DLGAP1: variants seen among roughly 807,000 people sequenced by gnomAD.
DLGAP1 encodes DLG associated protein 1.
DLGAP1 carries 11 observed loss-of-function variants against 90.8 expected under a neutral mutation model. The ratio of observed to expected loss-of-function variants is 0.12; its 90% CI spans 0.08 to 0.20. DLGAP1 has a LOEUF of 0.20. Among genes scored for constraint, DLGAP1 ranks in the 10% least tolerant of loss-of-function variants. DLGAP1 has a pLI of 1.00. For synonymous variants in DLGAP1, 558 were observed against 540.7 expected, an observed-to-expected ratio of 1.03 and a Z score of -0.44; for missense variants, 1,050 against 1,333.8, an observed-to-expected ratio of 0.79 and a Z score of 3.31.
chr18:4,420,672 G>T (rs911191437), intron 1 of DLGAP1, among the ~76,000 whole-genome samples: 5 of 152,092 alleles, frequency 3.3e-5, no homozygotes, highest in Non-Finnish European at 5.9e-5. Flanking sequence ...TCATAATTTT[G>T]CCTAATATCA....
intron 4 of DLGAP1, among the ~76,000 whole-genome samples, chr18:3,816,480 G>T (rs535903198): frequency 6.6e-5 from 10 of 152,138 alleles, no homozygotes; most frequent in Non-Finnish European, 1.5e-4. Flanking sequence ...ACTTCAGATT[G>T]AAGAGATGCT....
At chr18:4,344,213 A>C (rs2081260987) in intron 1 of DLGAP1, among the ~76,000 whole-genome samples, 1 of 152,190 alleles carries the variant, frequency 6.6e-6, no homozygotes, top group Admixed American at 6.5e-5. Context: ...TGTATTGGGT[A>C]CTTTTTGTCA....
At chr18:4,225,095 C>A (rs766794395) in intron 1 of DLGAP1, among the ~76,000 whole-genome samples, 3 of 152,036 alleles carry the variant, frequency 2.0e-5, no homozygotes, top group Non-Finnish European at 2.9e-5. Context: ...CCAGAAAATT[C>A]TTTTGTATCT....
At chr18:4,412,220 G>A (rs956544596) in intron 1 of DLGAP1, among the ~76,000 whole-genome samples, 1 of 152,018 alleles carries the variant, frequency 6.6e-6, no homozygotes, top group Non-Finnish European at 1.5e-5. Context: ...GTGAAGAGGG[G>A]GACTGTGAGA....
At chr18:4,238,612 G>A (rs1521428) in intron 1 of DLGAP1, among the ~76,000 whole-genome samples, 72,580 of 151,934 alleles carry the variant, frequency 0.48, 17,870 homozygotes, top group East Asian at 0.68. Flanking sequence ...GTAACTACTT[G>A]CTGAGAAGTT....
chr18:4,185,494 T>C (rs7232264), intron 1 of DLGAP1, among the ~76,000 whole-genome samples: 54,392 of 151,964 alleles, frequency 0.36, 10,179 homozygotes, highest in East Asian at 0.71. Context: ...CTCCCACTTA[T>C]AAGTGAGAAC....
intron 1 of DLGAP1, among the ~76,000 whole-genome samples, chr18:4,387,640 A>T (rs1220674910): frequency 6.6e-6 from 1 of 152,200 alleles, no homozygotes; most frequent in African/African-American, 2.4e-5. Context: ...AGAAGGGAAG[A>T]ATGAAGAAGA....
At chr18:4,258,255 G>GAACAATAGGAACCAAGCAGAGA (rs2078936449) in intron 1 of DLGAP1, among the ~76,000 whole-genome samples, 2 of 152,006 alleles carry the variant, frequency 1.3e-5, no homozygotes, top group African/African-American at 4.8e-5. Context: ...TGTTGCTCAG[G>GAACAATAGGAACCAAGCAGAGA]CTGGTCTCGA....
At chr18:4,196,733 T>A (rs899391331) in intron 1 of DLGAP1, among the ~76,000 whole-genome samples, 14 of 152,268 alleles carry the variant, frequency 9.2e-5, no homozygotes, top group African/African-American at 3.4e-4. Context: ...CTGGCTTTGT[T>A]ATGTGTATAC....
chr18:3,864,500 C>T (rs1470607044), intron 4 of DLGAP1, among the ~76,000 whole-genome samples: 2 of 152,118 alleles, frequency 1.3e-5, no homozygotes, highest in African/African-American at 2.4e-5. Flanking sequence ...TTAACTTCAT[C>T]TGGGCTTAAA....
At chr18:3,543,162 T>C (rs1227497682) in intron 9 of DLGAP1, among the ~76,000 whole-genome samples, 1 of 97,712 alleles carries the variant, frequency 1.0e-5, no homozygotes, top group Non-Finnish European at 2.3e-5. Flanking sequence ...TTCCCATGAC[T>C]CCAATTTTTT....
At chr18:4,102,498 C>CAAGG (rs2075796625) in intron 2 of DLGAP1, among the ~76,000 whole-genome samples, 1 of 152,054 alleles carries the variant, frequency 6.6e-6, no homozygotes, top group Non-Finnish European at 1.5e-5. Flanking sequence ...CCCTTGAGCA[C>CAAGG]CTATGAGAAG....
At chr18:3,511,629 C>T (rs1044159001) in intron 10 of DLGAP1, among the ~76,000 whole-genome samples, 1 of 151,992 alleles carries the variant, frequency 6.6e-6, no homozygotes, top group Non-Finnish European at 1.5e-5. Flanking sequence ...TTGGGTCTCA[C>T]TATGTGGCCC....
At chr18:3,759,886 C>G (rs566005540) in intron 5 of DLGAP1, among the ~76,000 whole-genome samples, 17 of 152,302 alleles carry the variant, frequency 1.1e-4, no homozygotes, top group African/African-American at 3.6e-4. Context: ...CATAGTCATT[C>G]CAGATCCAGG....
intron 3 of DLGAP1, among the ~76,000 whole-genome samples, chr18:3,962,950 G>A (rs1429970510): frequency 6.6e-6 from 1 of 152,124 alleles, no homozygotes; most frequent in Non-Finnish European, 1.5e-5. Flanking sequence ...AGGTGTTGGT[G>A]TTCTTTCAAA....
intron 1 of DLGAP1, among the ~76,000 whole-genome samples, chr18:4,200,380 T>C (rs1311433549): frequency 6.6e-6 from 1 of 151,748 alleles, no homozygotes; most frequent in Non-Finnish European, 1.5e-5. Context: ...ATAAAATTAT[T>C]TTCTATTTTA....
intron 5 of DLGAP1, among the ~76,000 whole-genome samples, chr18:3,812,371 GA>G (rs1440676429): frequency 9.5e-5 from 9 of 94,350 alleles, no homozygotes; most frequent in East Asian, 2.7e-4. Flanking sequence ...TTATTTCCAC[GA>G]ATTTTTTTTT....
chr18:3,728,150 G>A lies in DLGAP1; in HGVS notation c.1591+985C>T, dbSNP rs181265900. Among the ~76,000 whole-genome samples, 397 of 151,940 alleles carry A rather than the reference G, an allele frequency of 2.6e-3. 3 individuals are homozygous for A. Among genetic ancestry groups the A allele is most frequent in the African/African-American group, 9.1e-3 (379 of 41,454 alleles). ...TGGAGTGATACAATATTCTGACACA[G>A]GCTTTTCTTTCCAATTTATTCATCA... On this transcript the variant is annotated intron_variant, in intron 7 of 12. Coordinates refer to ENST00000315677, the MANE Select transcript of DLGAP1 (RefSeq NM_004746.4).
chr18:4,235,454 G>A (rs1486509958), intron 1 of DLGAP1, among the ~76,000 whole-genome samples: 1 of 152,062 alleles, frequency 6.6e-6, no homozygotes, highest in Non-Finnish European at 1.5e-5. Context: ...TAAAATAGCA[G>A]TTACTCTGCA....
Sources: allele counts gnomAD v4.1 joint callset (sites outside exome capture counted in the v4.1 genomes callset), GRCh38; gene constraint gnomAD v4.1.1; transcripts MANE v1.5; gene names NCBI Gene and HGNC (gene_info 2026-07-23, HGNC 2026-07-21).